The following FGF13 variants were observed in gnomAD, a reference collection of about 807,000 sequenced individuals.
FGF13 encodes fibroblast growth factor 13.
Under a neutral mutation model 19.5 loss-of-function variants are expected in FGF13, and 2 were observed. The ratio of observed to expected loss-of-function variants is 0.10; its 90% CI spans 0.04 to 0.32. FGF13 has a LOEUF of 0.32. FGF13 is among the 10% of genes least tolerant of loss of function. FGF13 has a pLI of 1.00. For synonymous variants in FGF13, 72 were observed against 76.9 expected (o/e 0.94, Z 0.33); for missense variants, 113 against 192.7 (o/e 0.59, Z 2.45).
Position 138,619,795 on chromosome X carries a change from T to TTAA in FGF13, c.*13054_*13055insTTA, listed in dbSNP as rs1413676982. ...CATCTCATGCCAGTCACAATGGTGA[T>TTAA]TATTAAAAAGTCAAAAAATGACAGA... On this transcript the variant is annotated 3_prime_UTR_variant, in exon 5 of 5. Transcript: ENST00000315930. The TTAA allele has an allele frequency of 9.0e-6, 1 of 111,666 alleles. No individual in the cohort carries two copies. The highest frequency in any genetic ancestry group is 1.9e-5 in the Non-Finnish European group (1 of 53,113). The allele number at this position is 111,666 out of a possible 1,213,427, so 9.2% of individuals were successfully genotyped here. A position where few individuals can be genotyped will look rare whatever the true frequency, so the allele number is the denominator to read the frequency against.
rs1266762508 is a variant in FGF13, at chrX:138,629,221, G to A, written c.*3629C>T. 8.9e-6 allele frequency: 1 copy of A among 112,272 alleles called. No homozygotes were observed. Among genetic ancestry groups the A allele is most frequent in the Middle Eastern group, 4.6e-3 (1 of 219 alleles). The allele number at this position is 112,272 out of a possible 1,213,427, so 9.3% of individuals were successfully genotyped here. On this transcript the variant is annotated 3_prime_UTR_variant, in exon 5 of 5. Coordinates refer to ENST00000315930, the MANE Select transcript of FGF13 (RefSeq NM_004114.5). The stretch of plus-strand genomic sequence containing the variant: ...CCACTCTACTGCAATGTTAATAGAC[G>A]CTCCATGAAAATGTGGCTTTGTGGC...
upstream of FGF13, chrX:138,714,187 G>A (rs1220795182): frequency 9.0e-6 from 1 of 111,522 alleles, no homozygotes; most frequent in Admixed American, 9.5e-5. Flanking sequence ...GCATCTCTCT[G>A]TGATCTGTCT....
At chrX:138,699,921 T>TC (rs1436102908) in intron 3 of FGF13, among the ~76,000 whole-genome samples, 3 of 111,872 alleles carry the variant, frequency 2.7e-5, no homozygotes, top group African/African-American at 6.5e-5. Context: ...ATCTGCTTTT[T>TC]CCCGCTTTAT....
intron 1 of FGF13, among the ~76,000 whole-genome samples, chrX:138,896,660 G>T (rs997240805): frequency 1.8e-5 from 2 of 112,133 alleles, no homozygotes; most frequent in African/African-American, 6.5e-5. Context: ...AATCTTGGCT[G>T]TGCTTTTAGC....
chrX:139,074,071 A>T (rs2092385173), intron 1 of FGF13, among the ~76,000 whole-genome samples: 1 of 112,287 alleles, frequency 8.9e-6, no homozygotes, highest in African/African-American at 3.2e-5. Flanking sequence ...GTGTATCTGT[A>T]TTTAATTACT....
chrX:138,702,931 C>T (rs1438772269), intron 3 of FGF13, 53 bp downstream of exon 3: 3 of 872,440 alleles, frequency 3.4e-6, no homozygotes, highest in Admixed American at 2.2e-5. Context: ...CATTTTCTTT[C>T]ATATTGGATG....
chrX:139,114,875 A>ACCTATAACAG (rs1478885146), intron 1 of FGF13, among the ~76,000 whole-genome samples: 7 of 112,136 alleles, frequency 6.2e-5, no homozygotes, highest in Non-Finnish European at 1.3e-4. Flanking sequence ...CTTATACTAA[A>ACCTATAACAG]TGCTTATTAG....
chrX:138,989,078 G>C (rs748487235), intron 1 of FGF13, among the ~76,000 whole-genome samples: 20 of 111,275 alleles, frequency 1.8e-4, no homozygotes, highest in Non-Finnish European at 3.4e-4. Flanking sequence ...TGGGAAATAC[G>C]TTTCTTCTCT....
chrX:138,769,183 G>A (rs2090526571), intron 3 of FGF13, among the ~76,000 whole-genome samples: 1 of 111,689 alleles, frequency 9.0e-6, no homozygotes, highest in South Asian at 3.7e-4. Flanking sequence ...GGTTAGGATT[G>A]TTTTCTTGAA....
chrX:138,883,176 G>A (rs1362163175), intron 1 of FGF13, among the ~76,000 whole-genome samples: 1 of 112,115 alleles, frequency 8.9e-6, no homozygotes, highest in Non-Finnish European at 1.9e-5. Context: ...ACTTTTCCAT[G>A]CACCAAACAA....
intron 3 of FGF13, among the ~76,000 whole-genome samples, chrX:138,770,887 GTGT>G (rs2090540115): frequency 8.9e-6 from 1 of 111,805 alleles, no homozygotes; most frequent in South Asian, 3.8e-4. Flanking sequence ...GTCTGGGTCG[GTGT>G]GGGGTGGAGA....
chrX:139,097,312 T>TAA (rs530015950), intron 1 of FGF13, among the ~76,000 whole-genome samples: 4 of 107,823 alleles, frequency 3.7e-5, no homozygotes, highest in African/African-American at 1.3e-4. Flanking sequence ...GCTGATGACC[T>TAA]AAAAAAAAAA....
intron 1 of FGF13, among the ~76,000 whole-genome samples, chrX:139,089,111 G>T (rs1271792611): frequency 8.9e-6 from 1 of 111,959 alleles, no homozygotes; most frequent in Non-Finnish European, 1.9e-5. Context: ...TAAGACAGGT[G>T]GTTACCCAGA....
Position 139,142,141 on chromosome X carries a change from G to A in FGF13, c.-113+61275C>T, listed in dbSNP as rs186846993. Among the ~76,000 whole-genome samples the A allele has an allele frequency of 6.2e-5, 7 of 112,083 alleles. No homozygotes were observed. The East Asian group carries it at 2.0e-3, about 32-fold the overall frequency. On this transcript the variant is annotated intron_variant, in intron 1 of 2. Coordinates refer to the FGF13 transcript ENST00000421460. ...TGCTGTAAACATCAGTTGTTTACAA[G>A]TGTGTCTGTCACCTGAATATAAAGA... is the stretch of plus-strand genomic sequence containing the variant.
At chrX:138,738,614 G>A (rs2090297388) in intron 1 of FGF13, among the ~76,000 whole-genome samples, 1 of 111,564 alleles carries the variant, frequency 9.0e-6, no homozygotes, top group Non-Finnish European at 1.9e-5. Flanking sequence ...GCTATCTGCG[G>A]CATCTGCCTT....
At chrX:138,725,877 G>A (rs1003423211) in intron 1 of FGF13, among the ~76,000 whole-genome samples, 1 of 111,267 alleles carries the variant, frequency 9.0e-6, no homozygotes, top group Non-Finnish European at 1.9e-5. Context: ...TTATAATAAG[G>A]CAACATTTGT....
intron 3 of FGF13, among the ~76,000 whole-genome samples, chrX:138,639,065 C>G (rs2089217561): frequency 9.0e-6 from 1 of 111,646 alleles, no homozygotes; most frequent in South Asian, 3.7e-4. Flanking sequence ...TCATTTTATC[C>G]AGTGTTGAGT....
At chrX:139,175,190 C>G (rs1263771486) in intron 1 of FGF13, among the ~76,000 whole-genome samples, 1 of 111,344 alleles carries the variant, frequency 9.0e-6, no homozygotes, top group African/African-American at 3.3e-5. Flanking sequence ...TGACTTGGCT[C>G]TCTGTTTGTC....
chrX:138,782,272 C>G (rs2090651002), intron 3 of FGF13, among the ~76,000 whole-genome samples: 1 of 112,342 alleles, frequency 8.9e-6, no homozygotes, highest in Admixed American at 9.4e-5. Context: ...CCTCTCTCAC[C>G]ACTCCTATTC....
Sources: allele counts gnomAD v4.1 joint callset (sites outside exome capture counted in the v4.1 genomes callset), GRCh38; gene constraint gnomAD v4.1.1; transcripts MANE v1.5; gene names NCBI Gene and HGNC (gene_info 2026-07-23, HGNC 2026-07-21).